WDFY4: variants seen among roughly 807,000 people sequenced by gnomAD.
WDFY4 encodes WDFY family member 4.
WDFY4 carries 169 observed loss-of-function variants against 351.9 expected under a neutral mutation model. The ratio of observed to expected loss-of-function variants is 0.48; its 90% CI spans 0.42 to 0.55. WDFY4 has a LOEUF of 0.55. Among genes scored for constraint, WDFY4 ranks in the 20% least tolerant of loss-of-function variants. WDFY4 has a pLI of 0.00. For missense variants in WDFY4, 3,803 were observed against 3,935.6 expected, an observed-to-expected ratio of 0.97 and a Z score of 0.90; for synonymous variants, 1,622 against 1,574.6, an observed-to-expected ratio of 1.03 and a Z score of -0.71.
At chr10:48,778,471 A>G in intron 17 of WDFY4, 140 bp from the exon 18 acceptor site, 1 of 832,050 alleles carries the variant, frequency 1.2e-6, no homozygotes, top group Non-Finnish European at 1.9e-6. Context: ...GCATGCCATA[A>G]TGGGGAGGAG....
chr10:48,948,448 T>C (rs1011662603), intron 51 of WDFY4, among the ~76,000 whole-genome samples: 1 of 152,218 alleles, frequency 6.6e-6, no homozygotes, highest in Non-Finnish European at 1.5e-5. Context: ...GGAATTTAAG[T>C]GTTTAAGTGT....
intron 30 of WDFY4, among the ~76,000 whole-genome samples, chr10:48,812,007 T>C (rs1403763323): frequency 6.6e-6 from 1 of 152,068 alleles, no homozygotes; most frequent in Non-Finnish European, 1.5e-5. Context: ...GACATGATGC[T>C]GGGGTGGCCC....
At chr10:48,947,481 A>G (rs1841109370) in intron 51 of WDFY4, among the ~76,000 whole-genome samples, 1 of 152,252 alleles carries the variant, frequency 6.6e-6, no homozygotes, top group Non-Finnish European at 1.5e-5. Flanking sequence ...CAGGTTTAAA[A>G]TAAAAATACA....
chr10:48,750,261 G>A (rs1262114124), intron 12 of WDFY4, among the ~76,000 whole-genome samples: 1 of 152,248 alleles, frequency 6.6e-6, no homozygotes, highest in Non-Finnish European at 1.5e-5. Context: ...CTGGCCTTTG[G>A]AAGGCACAGA....
intron 13 of WDFY4, among the ~76,000 whole-genome samples, chr10:48,766,953 G>A (rs1406774959): frequency 6.6e-6 from 1 of 152,188 alleles, no homozygotes; most frequent in African/African-American, 2.4e-5. Flanking sequence ...TCTTCTAAAG[G>A]TGTGTACATT....
intron 13 of WDFY4, among the ~76,000 whole-genome samples, chr10:48,764,636 G>A (rs940470069): frequency 6.6e-6 from 1 of 152,206 alleles, no homozygotes; most frequent in African/African-American, 2.4e-5. Context: ...GAGGGTGTTT[G>A]CTGTGCACCA....
At chr10:48,800,639 G>A (rs2067036409) in intron 24 of WDFY4, among the ~76,000 whole-genome samples, 1 of 151,806 alleles carries the variant, frequency 6.6e-6, no homozygotes, top group Non-Finnish European at 1.5e-5. Context: ...GGAGGAACAG[G>A]AAGTTGTGGG....
rs1386162473 is a variant in WDFY4, at chr10:48,963,837, TC to T, written c.8224-3del. ...GTTTTAATGCTCTTTGGGTTTTTGT[TC>T]CAGGCCCTGGAAAGTGACTTTGTCA... On this transcript the variant is annotated splice_polypyrimidine_tract_variant and splice_region_variant and intron_variant, in intron 53 of 61. Coordinates refer to ENST00000325239, the MANE Select transcript of WDFY4 (RefSeq NM_001394531.1). 1 of 1,551,470 alleles carries T rather than the reference TC, an allele frequency of 6.4e-7. No individual in the cohort carries two copies. Among genetic ancestry groups the T allele is most frequent in the Non-Finnish European group, 8.7e-7 (1 of 1,146,976 alleles).
chr10:48,975,282 G>A (rs933030575), intron 58 of WDFY4: 15 of 608,732 alleles, frequency 2.5e-5, no homozygotes, highest in Middle Eastern at 4.4e-4. Flanking sequence ...GCTTTGCTGC[G>A]GGCACCAGGG....
chr10:48,906,357 G>C (rs1329829195), intron 47 of WDFY4, among the ~76,000 whole-genome samples: 3 of 152,124 alleles, frequency 2.0e-5, no homozygotes, highest in Non-Finnish European at 4.4e-5. Flanking sequence ...AGTGACAATG[G>C]TTGCCTCCAT....
At chr10:48,757,191 G>T (rs1244372629) in intron 12 of WDFY4, among the ~76,000 whole-genome samples, 1 of 152,100 alleles carries the variant, frequency 6.6e-6, no homozygotes, top group Non-Finnish European at 1.5e-5. Context: ...TTTGAAGGTA[G>T]TTTATGACTT....
chr10:48,902,355 G>A lies in WDFY4; in HGVS notation c.7586+492G>A, dbSNP rs1389295929. On this transcript the variant is annotated intron_variant, in intron 47 of 61. Transcript: ENST00000325239. Reference sequence around the variant, plus strand: ...ATTGCTTGCAGTCCCCCCCGCCGCCGCCAGGTCCCCTTTCCAGCTACCCAG... The same window carrying A: ...ATTGCTTGCAGTCCCCCCCGCCGCCACCAGGTCCCCTTTCCAGCTACCCAG... 4.6e-5 allele frequency among the ~76,000 whole-genome samples: 7 copies of A among 152,236 alleles called. 1 individual carries two copies. Among genetic ancestry groups the A allele is most frequent in the Admixed American group, 6.5e-5 (1 of 15,296 alleles).
chr10:48,863,588 C>G (rs145866715), intron 39 of WDFY4, among the ~76,000 whole-genome samples: 13 of 152,092 alleles, frequency 8.5e-5, no homozygotes, highest in Non-Finnish European at 1.6e-4. Flanking sequence ...TTTGTATATT[C>G]TAGATATGAG....
At chr10:48,843,489 T>G (rs982037343) in intron 39 of WDFY4, among the ~76,000 whole-genome samples, 1 of 152,212 alleles carries the variant, frequency 6.6e-6, no homozygotes, top group African/African-American at 2.4e-5. Flanking sequence ...GGAGTCCTTA[T>G]AGTCTGCTTG....
In WDFY4 at chr10:48,873,657, G is replaced by A. The variant is rs555699785; in HGVS notation, c.6908G>A (p.Arg2303His). The A allele has an allele frequency of 7.9e-5, 122 of 1,551,822 alleles. 2 individuals are homozygous for A. The South Asian group carries it at 1.2e-3, about 15-fold the overall frequency. Residue 2303 changes from arginine to histidine, a missense_variant, in exon 41 of 62, where the codon CGC (arginine) becomes CAC (histidine). Physicochemically the swap from Arg to His is conservative, Grantham distance 29 (BLOSUM62 0). This residue lies in a region of WDFY4 where 3,054 missense variants were observed against 3,148.6 expected (regional missense o/e 0.97). Coordinates refer to ENST00000325239, the MANE Select transcript of WDFY4 (RefSeq NM_001394531.1). ...GCTCGAATGAGGAAACGCATCAAAC[G>A]CTTGTCTCCTTTGGAGGCCCTGAGC... ...GPARMRKRIK[R>H]LSPLEALSSG...
At chr10:48,802,200 C>G (rs2067109410) in intron 24 of WDFY4, among the ~76,000 whole-genome samples, 1 of 151,908 alleles carries the variant, frequency 6.6e-6, no homozygotes, top group South Asian at 2.1e-4. Context: ...TAAAACAATA[C>G]CCCACTCTAC....
chr10:48,790,991 G>A lies in WDFY4; in HGVS notation c.4257+74G>A, dbSNP rs1165668240. The A allele has an allele frequency of 9.3e-6, 14 of 1,511,522 alleles. No homozygotes were observed. The East Asian group carries it at 3.2e-4, about 34-fold the overall frequency. The allele number at this position is 1,511,522 out of a possible 1,614,324, so 93.6% of individuals were successfully genotyped here. On this transcript the variant is annotated intron_variant, in intron 23 of 61. Transcript: ENST00000325239. ...TCCCTGGGAAACAGGGACAAGCGTT[G>A]CTTGCCTCAGTTGCATTCCCTCCAG... is the stretch of plus-strand genomic sequence containing the variant.
At chr10:48,741,714 C>T (rs2064856645) in intron 11 of WDFY4, among the ~76,000 whole-genome samples, 1 of 152,052 alleles carries the variant, frequency 6.6e-6, no homozygotes, top group Non-Finnish European at 1.5e-5. Flanking sequence ...TTTATTTTTT[C>T]TCTGTGAACC....
intron 18 of WDFY4, 128 bp from the exon 19 acceptor site, chr10:48,779,813 T>A: frequency 1.1e-6 from 1 of 924,782 alleles, no homozygotes; most frequent in South Asian, 1.8e-5. Context: ...TCATTTTTCA[T>A]GAGAGGAGGA....
Sources: gnomAD v4.1 joint callset for allele counts (sites outside exome capture counted in the v4.1 genomes callset) on GRCh38, gnomAD v4.1.1 for gene constraint, gnomAD v4.1.1 regional missense constraint, MANE v1.5 for transcripts, NCBI Gene and HGNC (gene_info 2026-07-23, HGNC 2026-07-21) for gene names.